ACOT11: variants seen among roughly 807,000 people sequenced by gnomAD.
ACOT11 encodes the protein acyl-CoA thioesterase 11, also known as acyl-coenzyme A thioesterase 11.
In ACOT11, 69 loss-of-function variants were observed where a neutral mutation model predicts 77.5. The ratio of observed to expected loss-of-function variants is 0.89; its 90% confidence interval spans 0.73 to 1.09. ACOT11 has a LOEUF of 1.09. ACOT11 is among the 50% of genes least tolerant of loss of function. ACOT11 has a pLI of 0.00. For missense variants in ACOT11, 766 were observed against 813.7 expected, an observed-to-expected ratio of 0.94 and a Z score of 0.71; for synonymous variants, 279 against 313.0, an observed-to-expected ratio of 0.89 and a Z score of 1.15.
In ACOT11 at chr1:54,628,551, T is replaced by C. The variant is rs1299090711; in HGVS notation, c.1630-2183T>C. On this transcript the variant is annotated intron_variant, in intron 15 of 16. Coordinates refer to the ACOT11 transcript ENST00000371316. ...AGCTACCCAGGAGGTGGGAGGATGGTGCCACTGTACTCTATCCTGGGCATC... is the reference window on the plus strand; with the variant it reads ...AGCTACCCAGGAGGTGGGAGGATGGCGCCACTGTACTCTATCCTGGGCATC... 2 of 121,810 alleles carry C rather than the reference T, an allele frequency of 1.6e-5. 1 individual carries two copies. Among genetic ancestry groups the C allele is most frequent in the Admixed American group, 1.8e-4 (2 of 11,290 alleles). The allele number at this position is 121,810 out of a possible 1,614,324, so 7.5% of individuals were successfully genotyped here.
chr1:54,573,946 T>C (rs1452144044), intron 1 of ACOT11, among the ~76,000 whole-genome samples: 2 of 151,846 alleles, frequency 1.3e-5, no homozygotes, highest in East Asian at 3.9e-4. Flanking sequence ...GGAGAATCGC[T>C]TGAACCCAGG....
downstream of ACOT11, chr1:54,611,479 C>T (rs181902151): frequency 1.3e-5 from 11 of 860,174 alleles, no homozygotes; most frequent in South Asian, 5.3e-5. Context: ...AAAATGCAGC[C>T]GCCTCCTGTC....
rs947944851 is a variant in ACOT11 at position 54,607,850 on chromosome 1, G to A, written c.1503-92G>A. The A allele has an allele frequency of 1.3e-6, 2 of 1,531,000 alleles. No homozygotes were observed. The highest frequency in any genetic ancestry group is 2.3e-5 in the South Asian group (2 of 85,376). The allele number at this position is 1,531,000 out of a possible 1,614,324, so 94.8% of individuals were successfully genotyped here. A position where few individuals can be genotyped will look rare whatever the true frequency, so the allele number is the denominator to read the frequency against. ...CCCCTGGTGAGGAATCTGTGCTAGA[G>A]GGGGCAGGGTCTCGGCCTTGGTTGG... On this transcript the variant is annotated intron_variant, in intron 14 of 15. Coordinates refer to ENST00000343744, the MANE Select transcript of ACOT11 (RefSeq NM_147161.4). The surrounding 1 kb of genome is among the most constrained non-coding windows in gnomAD (Gnocchi z 4.5).
intron 1 of ACOT11, among the ~76,000 whole-genome samples, chr1:54,575,720 CA>C (rs1316666362): frequency 2.0e-5 from 3 of 152,314 alleles, no homozygotes; most frequent in Non-Finnish European, 2.9e-5. Context: ...AACCTTGTCA[CA>C]ATGGAGAGCA....
chr1:54,552,120 G>T (rs147050023), intron 1 of ACOT11, among the ~76,000 whole-genome samples: 1,942 of 152,242 alleles, frequency 0.013, 19 homozygotes, highest in Non-Finnish European at 0.021. Context: ...AGGCCTTAGG[G>T]TGCTGGGTGA....
At chr1:54,610,576 A>G, downstream of ACOT11, 1 of 1,606,216 alleles carries the variant, frequency 6.2e-7, no homozygotes. Flanking sequence ...CCAAATCGCC[A>G]AGGTGAAGTG....
chr1:54,564,283 G>C (rs1470300316), intron 1 of ACOT11, among the ~76,000 whole-genome samples: 1 of 152,160 alleles, frequency 6.6e-6, no homozygotes, highest in East Asian at 1.9e-4. Context: ...AAAAAAGAAA[G>C]AAAGCTGTGC....
intron 15 of ACOT11, among the ~76,000 whole-genome samples, chr1:54,617,104 C>A (rs149602138): frequency 1.1e-3 from 169 of 152,364 alleles, no homozygotes; most frequent in African/African-American, 3.9e-3. Flanking sequence ...CACATCATCA[C>A]TGACACTGAG....
At chr1:54,589,775 C>G (rs981404311) in intron 3 of ACOT11, among the ~76,000 whole-genome samples, 9 of 152,158 alleles carry the variant, frequency 5.9e-5, no homozygotes, top group African/African-American at 2.2e-4. Context: ...GCATGAGCCA[C>G]CACACCCAGC....
At chr1:54,577,061 C>G (rs1654141259) in intron 1 of ACOT11, among the ~76,000 whole-genome samples, 1 of 152,130 alleles carries the variant, frequency 6.6e-6, no homozygotes, top group Admixed American at 6.5e-5. Flanking sequence ...CATTTCACAT[C>G]TTATTTAATT....
In ACOT11 at chr1:54,555,109, G is replaced by A. The variant is rs368651907; in HGVS notation, c.33+6767G>A. ...AAATAGCTGGGATTACAGACATTGCGACACCATGCCTGGCTAATTTTTTGT... is the reference window on the plus strand; with the variant it reads ...AAATAGCTGGGATTACAGACATTGCAACACCATGCCTGGCTAATTTTTTGT... On this transcript the variant is annotated intron_variant, in intron 1 of 15. Coordinates refer to ENST00000343744, the MANE Select transcript of ACOT11 (RefSeq NM_147161.4). Among the ~76,000 whole-genome samples, 30 of 152,214 alleles carry A rather than the reference G, an allele frequency of 2.0e-4. No homozygotes were observed. The East Asian group carries it at 2.7e-3, about 14-fold the overall frequency.
intron 1 of ACOT11, among the ~76,000 whole-genome samples, chr1:54,557,403 A>G (rs1471615751): frequency 6.6e-5 from 10 of 151,030 alleles, no homozygotes; most frequent in African/African-American, 2.4e-4. Context: ...AAAAAAAAAA[A>G]AAAAAAGAAA....
At chr1:54,601,127 ATGTG>A (rs945505731) in intron 8 of ACOT11, 138 bp from the exon 9 acceptor site, 2 of 772,042 alleles carry the variant, frequency 2.6e-6, no homozygotes, top group African/African-American at 4.3e-5. Flanking sequence ...ATGTGTGTGT[ATGTG>A]TGTGCATACG....
chr1:54,566,454 CA>C (rs34312735), intron 1 of ACOT11, among the ~76,000 whole-genome samples: 5,604 of 94,546 alleles, frequency 0.059, 296 homozygotes, highest in African/African-American at 0.15. Context: ...AAGACTGTCT[CA>C]AAAAAAAAAA....
intron 3 of ACOT11, among the ~76,000 whole-genome samples, chr1:54,588,742 A>G (rs1654593627): frequency 6.6e-6 from 1 of 152,090 alleles, no homozygotes; most frequent in Admixed American, 6.6e-5. Context: ...GGGAGCAAGG[A>G]ATAGAGAGGG....
intron 1 of ACOT11, among the ~76,000 whole-genome samples, chr1:54,562,552 C>CG (rs1214155736): frequency 1.4e-5 from 2 of 142,174 alleles, no homozygotes; most frequent in African/African-American, 2.6e-5. Context: ...CTGACCCACC[C>CG]CCCACCTCCC....
intron 15 of ACOT11, among the ~76,000 whole-genome samples, chr1:54,625,665 C>T (rs116447618): frequency 9.1e-4 from 138 of 152,200 alleles, no homozygotes; most frequent in African/African-American, 3.3e-3. Flanking sequence ...GAGCCAGGCG[C>T]GGTGGCTCAT....
At chr1:54,613,689 C>T (rs1451460681), downstream of ACOT11, among the ~76,000 whole-genome samples, 1 of 152,128 alleles carries the variant, frequency 6.6e-6, no homozygotes, top group African/African-American at 2.4e-5. Flanking sequence ...AATTATGTTG[C>T]CACCCACTGC....
intron 1 of ACOT11, among the ~76,000 whole-genome samples, chr1:54,573,555 A>G (rs1653993698): frequency 6.6e-6 from 1 of 152,146 alleles, no homozygotes; most frequent in Non-Finnish European, 1.5e-5. Flanking sequence ...CAACATGGTG[A>G]AACCCCATCT....
Sources: gnomAD v4.1 joint callset for allele counts (sites outside exome capture counted in the v4.1 genomes callset) on GRCh38, gnomAD v4.1.1 for gene constraint, Gnocchi (gnomAD v3.1) non-coding constraint, MANE v1.5 for transcripts, NCBI Gene and HGNC (gene_info 2026-07-23, HGNC 2026-07-21) for gene names.